VPS53: variants seen among roughly 807,000 people sequenced by gnomAD.
VPS53 encodes the protein VPS53 subunit of GARP complex, also known as vacuolar protein sorting-associated protein 53 homolog.
Under a neutral mutation model 107.0 loss-of-function variants are expected in VPS53, and 70 were observed. The observed-to-expected ratio is 0.65, with a 90% CI of 0.54 to 0.80. VPS53 has a LOEUF of 0.80. Among genes scored for constraint, VPS53 ranks in the 30% least tolerant of loss-of-function variants. The pLI is 0.00. For synonymous variants in VPS53, 409 were observed against 393.3 expected, an observed-to-expected ratio of 1.04 and a Z score of -0.47; for missense variants, 917 against 1,049.4, an observed-to-expected ratio of 0.87 and a Z score of 1.74.
At chr17:594,360 T>C (rs542689369) in intron 12 of VPS53, among the ~76,000 whole-genome samples, 24 of 152,376 alleles carry the variant, frequency 1.6e-4, no homozygotes, top group Non-Finnish European at 2.6e-4. Context: ...CAACACCGCA[T>C]GGGCTGGAGG....
At chr17:675,182 G>A (rs562790586) in intron 4 of VPS53, 1 of 152,226 alleles carries the variant, frequency 6.6e-6, no homozygotes, top group Non-Finnish European at 1.5e-5. Flanking sequence ...AACGGTCCTA[G>A]AACCTGCCCA....
intron 4 of VPS53, among the ~76,000 whole-genome samples, chr17:665,233 T>G (rs1971631890): frequency 6.6e-6 from 1 of 152,168 alleles, no homozygotes; most frequent in African/African-American, 2.4e-5. Context: ...GCCTTCCAAC[T>G]CTGCCATGGG....
At chr17:613,856 A>G (rs1381707850) in intron 11 of VPS53, among the ~76,000 whole-genome samples, 8 of 152,284 alleles carry the variant, frequency 5.3e-5, no homozygotes, top group Admixed American at 3.9e-4. Flanking sequence ...TCACACAGTG[A>G]AAAAGTGGAA....
Position 672,793 on chromosome 17 carries a change from C to T in VPS53, c.286-10898G>A, listed in dbSNP as rs1013764743. The stretch of plus-strand genomic sequence containing the variant: ...AAGGAATACATGTCTGAATTATACA[C>T]AAAATGATACAAAGAGCGATGAATA... On this transcript the variant is annotated intron_variant, in intron 4 of 21. Transcript: ENST00000437048. Among the ~76,000 whole-genome samples the T allele has an allele frequency of 3.9e-5, 6 of 152,262 alleles. 1 individual carries two copies. The highest frequency in any genetic ancestry group is 1.4e-4 in the African/African-American group (6 of 41,560).
intron 13 of VPS53, among the ~76,000 whole-genome samples, chr17:584,489 C>T (rs1206621184): frequency 6.6e-6 from 1 of 152,172 alleles, no homozygotes; most frequent in East Asian, 1.9e-4. Context: ...TATTTGGAGG[C>T]TACAAGTTTG....
intron 2 of VPS53, among the ~76,000 whole-genome samples, chr17:701,790 A>C (rs1331973886): frequency 1.3e-5 from 2 of 152,172 alleles, no homozygotes; most frequent in Admixed American, 1.3e-4. Flanking sequence ...GCAGTGGTGC[A>C]ATCATAGCTC....
chr17:662,503 C>G (rs146051378), intron 4 of VPS53, among the ~76,000 whole-genome samples: 7,375 of 152,018 alleles, frequency 0.049, 214 homozygotes, highest in Middle Eastern at 0.14. Flanking sequence ...TCCTGGCTAA[C>G]ACGGTGAAAC....
chr17:597,619 T>G (rs1465851062), intron 12 of VPS53, among the ~76,000 whole-genome samples: 2 of 152,178 alleles, frequency 1.3e-5, no homozygotes, highest in Non-Finnish European at 2.9e-5. Context: ...CTCGGCTCAC[T>G]GTAACCTCCG....
rs79438377 is a variant in VPS53, at chr17:561,653, G to C, written c.1556+850C>G. On this transcript the variant is annotated intron_variant, in intron 14 of 21. Coordinates refer to ENST00000437048, the MANE Select transcript of VPS53 (RefSeq NM_001128159.3). ...TATTTATTTATTTATTTTTTAGGGC[G>C]GAGTCTCCCTGCAATGCCCAGGCTG... Among the ~76,000 whole-genome samples the C allele has an allele frequency of 2.0e-4, 30 of 152,192 alleles. 2 individuals carry two copies. The highest frequency in any genetic ancestry group is 3.4e-3 in the Middle Eastern group (1 of 294).
chr17:535,892 T>C lies in VPS53; in HGVS notation c.2015+1136A>G, dbSNP rs539101628. On this transcript the variant is annotated intron_variant, in intron 18 of 21. Coordinates refer to ENST00000437048, the MANE Select transcript of VPS53 (RefSeq NM_001128159.3). The stretch of plus-strand genomic sequence containing the variant: ...GTTCATTTGTGAGGTACAGGGAAAC[T>C]GGGAGAGATTGGGGGAAGACAGAAA... Among the ~76,000 whole-genome samples the C allele has an allele frequency of 2.6e-5, 4 of 152,200 alleles. No homozygotes were observed. In the East Asian group the frequency reaches 5.8e-4, roughly 22 times the overall value.
chr17:664,651 T>A (rs2143638422), intron 4 of VPS53, among the ~76,000 whole-genome samples: 1 of 152,278 alleles, frequency 6.6e-6, no homozygotes, highest in Admixed American at 6.5e-5. Flanking sequence ...CTGTCCTGGC[T>A]GCTGTGTGGC....
chr17:575,229 A>G (rs551258793), intron 13 of VPS53, among the ~76,000 whole-genome samples: 1 of 152,376 alleles, frequency 6.6e-6, no homozygotes, highest in South Asian at 2.1e-4. Flanking sequence ...AAAGCATAGA[A>G]GCAGTCCATA....
At chr17:707,569 C>T (rs1022497778) in intron 2 of VPS53, among the ~76,000 whole-genome samples, 3 of 147,744 alleles carry the variant, frequency 2.0e-5, no homozygotes, top group African/African-American at 7.5e-5. Context: ...AATATTTGGG[C>T]CAGGTGCAGT....
intron 7 of VPS53, among the ~76,000 whole-genome samples, chr17:644,571 T>C (rs1970601344): frequency 6.7e-6 from 1 of 150,128 alleles, no homozygotes; most frequent in Non-Finnish European, 1.5e-5. Context: ...TCTCCTCTTG[T>C]GCTCTTTTTA....
At chr17:619,099 T>C (rs544628483) in intron 11 of VPS53, among the ~76,000 whole-genome samples, 10 of 141,606 alleles carry the variant, frequency 7.1e-5, no homozygotes, top group African/African-American at 2.7e-4. Flanking sequence ...GCCCAGCTAA[T>C]ATTTCCCGGG....
intron 7 of VPS53, among the ~76,000 whole-genome samples, chr17:639,896 G>A (rs2143297375): frequency 6.6e-6 from 1 of 152,348 alleles, no homozygotes; most frequent in East Asian, 1.9e-4. Flanking sequence ...CTCAAATTCT[G>A]TGCTGGGAGA....
intron 1 of VPS53, 39 bp from the exon 2 acceptor site, chr17:710,652 T>A: frequency 7.1e-7 from 1 of 1,417,526 alleles, no homozygotes; most frequent in South Asian, 1.2e-5. Context: ...AAACATGTAG[T>A]ATACCGTAAA....
At chr17:635,536 C>T (rs1330873911) in intron 7 of VPS53, among the ~76,000 whole-genome samples, 8 of 152,148 alleles carry the variant, frequency 5.3e-5, no homozygotes, top group African/African-American at 1.7e-4. Flanking sequence ...TTAGGTCTAA[C>T]ATTTAAGTCT....
In VPS53 at chr17:656,867, C is replaced by G. The variant is rs865933000; in HGVS notation, c.373-914G>C. On this transcript the variant is annotated intron_variant, in intron 5 of 21. Transcript: ENST00000437048. ...AATGGTGAGGCGGATACCCTTTCCTCGGGGAAGAGAAATCCATCGTTTGTT... is the reference window on the plus strand; with the variant it reads ...AATGGTGAGGCGGATACCCTTTCCTGGGGGAAGAGAAATCCATCGTTTGTT... The G allele has an allele frequency of 8.8e-6, 14 of 1,588,162 alleles. No individual in the cohort carries two copies. The African/African-American group carries it at 1.5e-4, about 17-fold the overall frequency.
Sources: allele counts gnomAD v4.1 joint callset (sites outside exome capture counted in the v4.1 genomes callset), GRCh38; gene constraint gnomAD v4.1.1; transcripts MANE v1.5; gene names NCBI Gene and HGNC (gene_info 2026-07-23, HGNC 2026-07-21).